The following PTCD3 variants were observed in gnomAD, a reference collection of about 807,000 sequenced individuals.
PTCD3 encodes pentatricopeptide repeat domain 3.
In PTCD3, 89 loss-of-function variants were observed where a neutral mutation model predicts 101.9. The observed-to-expected ratio is 0.87, with a 90% CI of 0.74 to 1.04. The LOEUF (loss-of-function observed/expected upper bound fraction) is 1.04, where lower values mean the gene tolerates loss of function less well. PTCD3 is among the 50% of genes least tolerant of loss of function. PTCD3 has a pLI of 0.00. For synonymous variants in PTCD3, 296 were observed against 278.5 expected, an observed-to-expected ratio of 1.06 and a Z score of -0.63; for missense variants, 870 against 828.2, an observed-to-expected ratio of 1.05 and a Z score of -0.62.
intron 1 of PTCD3, chr2:86,106,983 C>T (rs968037500): frequency 2.7e-5 from 10 of 367,046 alleles, no homozygotes; most frequent in African/African-American, 1.9e-4. Context: ...TAGTGTTTGC[C>T]ATTCACTTAA....
chr2:86,132,849 A>G (rs1312526377), intron 17 of PTCD3: 2 of 360,530 alleles, frequency 5.5e-6, no homozygotes, highest in Non-Finnish European at 5.0e-6. Context: ...CAGCATGTTA[A>G]CAGATGTGTG....
chr2:86,130,058 T>C (rs369398009), intron 14 of PTCD3, among the ~76,000 whole-genome samples: 11 of 152,182 alleles, frequency 7.2e-5, no homozygotes, highest in African/African-American at 2.2e-4. Flanking sequence ...TCCCAGCACT[T>C]TGGGAGGCCG....
At chr2:86,106,505 C>T (rs562146158) in intron 1 of PTCD3, among the ~76,000 whole-genome samples, 154 bp downstream of exon 1, 1 of 152,238 alleles carries the variant, frequency 6.6e-6, no homozygotes, top group Non-Finnish European at 1.5e-5. Context: ...CGGAGGTGGC[C>T]CTTTGAAATA....
intron 6 of PTCD3, 27 bp downstream of exon 6, chr2:86,117,186 C>T (rs185353333): frequency 7.3e-5 from 60 of 821,666 alleles, no homozygotes; most frequent in Non-Finnish European, 2.7e-5. Flanking sequence ...ACATTATTTA[C>T]ATAATACTAT....
intron 17 of PTCD3, 64 bp from the exon 18 acceptor site, chr2:86,133,114 C>T (rs1482443848): frequency 1.3e-5 from 20 of 1,562,682 alleles, no homozygotes; most frequent in Non-Finnish European, 1.4e-5. Context: ...AATTTCAACC[C>T]TTATTTCCCC....
At chr2:86,110,515 G>A (rs528047367) in intron 3 of PTCD3, among the ~76,000 whole-genome samples, 1 of 152,160 alleles carries the variant, frequency 6.6e-6, no homozygotes, top group South Asian at 2.1e-4. Flanking sequence ...TTCCAGTGAA[G>A]CCTTTTCTAA....
intron 15 of PTCD3, 100 bp downstream of exon 15, chr2:86,130,837 A>ATTT: frequency 3.0e-6 from 4 of 1,333,674 alleles, no homozygotes; most frequent in South Asian, 1.8e-5. Flanking sequence ...GCTTAGAAGT[A>ATTT]TTTTTTTTTT....
chr2:86,136,322 G>T (rs1674583584), intron 21 of PTCD3, among the ~76,000 whole-genome samples, 199 bp from the exon 22 acceptor site: 1 of 145,090 alleles, frequency 6.9e-6, no homozygotes, highest in African/African-American at 2.6e-5. Flanking sequence ...ATTCGTTTGG[G>T]GAGTTTAAGC....
chr2:86,137,536 A>G lies in PTCD3; in HGVS notation c.2047A>G (p.Ser683Gly), dbSNP rs1231803456. The stretch of plus-strand genomic sequence containing the variant: ...TACTGACAGCAGCAGTGACAGCGAC[A>G]GTGACACCAGTGAAGGCAAATGAAA... ...SDTDSSSDSD[S>G]DTSEGK Residue 683 changes from serine (S) to glycine (G), a missense_variant, in exon 24 of 24, where the codon AGT (serine) becomes GGT (glycine). Ser to Gly is a moderately conservative substitution (Grantham distance 56). Coordinates refer to ENST00000254630, the MANE Select transcript of PTCD3 (RefSeq NM_017952.6). 5.0e-6 allele frequency: 8 copies of G among 1,612,978 alleles called. No homozygotes were observed. Among genetic ancestry groups the G allele is most frequent in the Admixed American group, 1.7e-5 (1 of 59,840 alleles).
Position 86,141,780 on chromosome 2 carries a change from C to T in PTCD3, c.*4221C>T, listed in dbSNP as rs1006884143. 2.6e-5 allele frequency: 4 copies of T among 152,140 alleles called. No homozygotes were observed. The highest frequency in any genetic ancestry group is 7.2e-5 in the African/African-American group (3 of 41,436). The allele number at this position is 152,140 out of a possible 1,614,324, so 9.4% of individuals were successfully genotyped here. Reference sequence around the variant, plus strand: ...TGATTTTTGCTGTGGAAATGGCAGTCGTGTGACTTTTCACTTGCAGTTTAA... The same window carrying T: ...TGATTTTTGCTGTGGAAATGGCAGTTGTGTGACTTTTCACTTGCAGTTTAA... On this transcript the variant is annotated 3_prime_UTR_variant, in exon 24 of 24. Transcript: ENST00000254630.
At chr2:86,109,032 A>C (rs1168985850) in intron 3 of PTCD3, 1 of 152,982 alleles carries the variant, frequency 6.5e-6, no homozygotes, top group Non-Finnish European at 1.5e-5. Flanking sequence ...AAACTTCACA[A>C]AAGTGCTTGT....
intron 21 of PTCD3, among the ~76,000 whole-genome samples, chr2:86,135,606 T>A (rs946375458): frequency 3.9e-5 from 6 of 152,130 alleles, no homozygotes; most frequent in Non-Finnish European, 8.8e-5. Context: ...TGACAGGTGG[T>A]TTTCCTGTAT....
rs201642425 is a variant in PTCD3, at chr2:86,132,394, T to C, written c.1343T>C (p.Ile448Thr). Residue 448 changes from isoleucine (I) to threonine (T), a missense_variant, in exon 17 of 24, where the codon ATT becomes ACT. By Grantham distance (89) the Ile-to-Thr change is moderately conservative (BLOSUM62 -1). Transcript: ENST00000254630. The part of the protein sequence containing the change: ...LLKTGDNWKF[I>T]GPDQHRNFYY... ...AAAACCGGAGACAACTGGAAATTCA[T>C]TGGACCTGATCAACATCGTAATTTC... 105 of 1,602,444 alleles carry C rather than the reference T, an allele frequency of 6.6e-5. 1 individual carries two copies. The East Asian group carries it at 1.1e-3, about 17-fold the overall frequency.
rs373487783 is a variant in PTCD3 at position 86,114,310 on chromosome 2, C to T, written c.241-2220C>T. Among the ~76,000 whole-genome samples, 6 of 150,666 alleles carry T rather than the reference C, an allele frequency of 4.0e-5. No homozygotes were observed. In the South Asian group the frequency reaches 1.3e-3, roughly 31 times the overall value. On this transcript the variant is annotated intron_variant, in intron 4 of 23. Coordinates refer to ENST00000254630, the MANE Select transcript of PTCD3 (RefSeq NM_017952.6). ...CTTTCTTTTTTTTTTTTTAAAGAGACGGAGTCTCCCTCTGTCACCCAGGCT... is the reference window on the plus strand; with the variant it reads ...CTTTCTTTTTTTTTTTTTAAAGAGATGGAGTCTCCCTCTGTCACCCAGGCT...
intron 3 of PTCD3, among the ~76,000 whole-genome samples, chr2:86,110,739 C>T (rs577407628): frequency 6.6e-6 from 1 of 152,250 alleles, no homozygotes; most frequent in South Asian, 2.1e-4. Flanking sequence ...TCTCCTATAA[C>T]TGAATCAAGA....
chr2:86,113,432 G>T (rs1312858710), intron 4 of PTCD3, among the ~76,000 whole-genome samples: 1 of 152,104 alleles, frequency 6.6e-6, no homozygotes, highest in African/African-American at 2.4e-5. Context: ...GTATCTGTAT[G>T]GATATTGATC....
In PTCD3 at chr2:86,110,036, A is replaced by G. The variant is rs191359563; in HGVS notation, c.195-1077A>G. ...ACTTTAGGTTAACGTGTAATGTTCT[A>G]GTTTATTTTTTTAAGATAATGTATG... On this transcript the variant is annotated intron_variant, in intron 3 of 23. Transcript: ENST00000254630. 2.3e-4 allele frequency among the ~76,000 whole-genome samples: 35 copies of G among 152,322 alleles called. 2 individuals carry two copies. The East Asian group carries it at 6.6e-3, about 29-fold the overall frequency.
At chr2:86,108,621 CAGGA>C in intron 3 of PTCD3, 85 bp downstream of exon 3, 1 of 1,300,760 alleles carries the variant, frequency 7.7e-7, no homozygotes, top group Non-Finnish European at 1.1e-6. Context: ...GAGACAGTGA[CAGGA>C]AGAGCAATAG....
At chr2:86,135,083 T>A in intron 21 of PTCD3, 96 bp downstream of exon 21, 3 of 1,353,842 alleles carry the variant, frequency 2.2e-6, no homozygotes, top group Non-Finnish European at 3.0e-6. Context: ...TTTGGCCACA[T>A]AACACGTATT....
Sources: allele counts gnomAD v4.1 joint callset (sites outside exome capture counted in the v4.1 genomes callset), GRCh38; gene constraint gnomAD v4.1.1; transcripts MANE v1.5; gene names NCBI Gene and HGNC (gene_info 2026-07-23, HGNC 2026-07-21).